ANKRD55: variants seen among roughly 807,000 people sequenced by gnomAD.
ANKRD55 encodes ankyrin repeat domain 55.
ANKRD55 carries 41 observed loss-of-function variants against 60.6 expected under a neutral mutation model. The observed-to-expected ratio is 0.68, with a 90% CI of 0.53 to 0.88. The LOEUF is 0.88. Ranked by LOEUF, ANKRD55 falls within the 40% of genes least tolerant of loss-of-function variation. The pLI is 0.00. For synonymous variants in ANKRD55, 264 were observed against 290.3 expected, an observed-to-expected ratio of 0.91 and a Z score of 0.92; for missense variants, 732 against 767.6, an observed-to-expected ratio of 0.95 and a Z score of 0.55.
intron 5 of ANKRD55, among the ~76,000 whole-genome samples, chr5:56,166,809 A>G (rs1758495417): frequency 1.3e-5 from 2 of 152,226 alleles, no homozygotes; most frequent in South Asian, 4.1e-4. Context: ...GCAGCATAGC[A>G]ATTCCTTCTT....
chr5:56,212,058 AC>A (rs1423417070), intron 2 of ANKRD55, among the ~76,000 whole-genome samples: 3 of 128,386 alleles, frequency 2.3e-5, no homozygotes, highest in African/African-American at 1.1e-4. Context: ...AGACACACAC[AC>A]ACACACACAC....
intron 2 of ANKRD55, among the ~76,000 whole-genome samples, chr5:56,220,707 GGAGGCT>G (rs1487193149): frequency 1.3e-5 from 2 of 152,172 alleles, no homozygotes. Context: ...CAGCTACTTA[GGAGGCT>G]GAGGCAGGAG....
intron 7 of ANKRD55, chr5:56,137,011 C>A (rs1757621124): frequency 2.9e-6 from 2 of 701,358 alleles, no homozygotes; most frequent in Non-Finnish European, 5.3e-6. Flanking sequence ...CAGAGAGCCC[C>A]ACAAAATCAT....
At chr5:56,117,188 C>T (rs890134580) in intron 8 of ANKRD55, among the ~76,000 whole-genome samples, 2 of 152,174 alleles carry the variant, frequency 1.3e-5, no homozygotes, top group African/African-American at 2.4e-5. Context: ...AAATCTTTGT[C>T]CATTTTGGTA....
intron 6 of ANKRD55, among the ~76,000 whole-genome samples, chr5:56,158,593 A>T (rs1414446810): frequency 6.6e-6 from 1 of 152,212 alleles, no homozygotes; most frequent in African/African-American, 2.4e-5. Flanking sequence ...TCTACTTGCA[A>T]CATGAATTAA....
intron 8 of ANKRD55, among the ~76,000 whole-genome samples, chr5:56,120,078 C>T (rs536707588): frequency 6.6e-6 from 1 of 150,432 alleles, no homozygotes; most frequent in East Asian, 1.9e-4. Flanking sequence ...TGCTCTGTTG[C>T]CAGGCTGGAG....
intron 5 of ANKRD55, 48 bp downstream of exon 5, chr5:56,170,646 A>C (rs753950868): frequency 1.4e-6 from 2 of 1,458,786 alleles, no homozygotes; most frequent in Non-Finnish European, 1.9e-6. Context: ...CTTCTCATAC[A>C]AGTTGAGTCA....
intron 9 of ANKRD55, among the ~76,000 whole-genome samples, chr5:56,112,504 C>CAAAAAAAAAAAACAAAAA (rs1756744844): frequency 3.9e-5 from 1 of 25,692 alleles, no homozygotes; most frequent in African/African-American, 1.8e-4. Context: ...TCATCTCTAG[C>CAAAAAAAAAAAACAAAAA]AAAAAAAAAA....
At chr5:56,110,789 G>A (rs1468577472) in intron 10 of ANKRD55, among the ~76,000 whole-genome samples, 3 of 152,174 alleles carry the variant, frequency 2.0e-5, no homozygotes, top group Non-Finnish European at 4.4e-5. Context: ...ACTCCTCACA[G>A]GTATTTGCCA....
In ANKRD55 at chr5:56,180,163, C is replaced by T. The variant is rs916542393; in HGVS notation, c.181+3349G>A. On this transcript the variant is annotated intron_variant, in intron 3 of 11. Coordinates refer to ENST00000341048, the MANE Select transcript of ANKRD55 (RefSeq NM_024669.3). ...GAGATGACCAAACTAGCTTTTATAA[C>T]AGACCCACTCCCATGATTACTAACC... Among the ~76,000 whole-genome samples, 5 of 152,112 alleles carry T rather than the reference C, an allele frequency of 3.3e-5. No homozygotes were observed. The South Asian group carries it at 6.2e-4, about 19-fold the overall frequency.
intron 5 of ANKRD55, among the ~76,000 whole-genome samples, chr5:56,165,567 C>T (rs867964531): frequency 6.6e-6 from 1 of 152,148 alleles, no homozygotes; most frequent in Non-Finnish European, 1.5e-5. Flanking sequence ...CTGAGTTCAG[C>T]GTTTCCACAC....
chr5:56,136,756 A>G (rs1757609111), intron 7 of ANKRD55, among the ~76,000 whole-genome samples: 1 of 150,474 alleles, frequency 6.6e-6, no homozygotes. Context: ...CCTCATCTCT[A>G]AAAAAAATAC....
At chr5:56,173,627 C>T (rs1206795147) in intron 4 of ANKRD55, among the ~76,000 whole-genome samples, 2 of 139,816 alleles carry the variant, frequency 1.4e-5, no homozygotes, top group South Asian at 2.4e-4. Context: ...CCACAACTTC[C>T]GCCTCCTCCT....
chr5:56,212,535 C>T lies in ANKRD55; in HGVS notation c.58+20321G>A, dbSNP rs572277730. On this transcript the variant is annotated intron_variant, in intron 2 of 11. Coordinates refer to ENST00000341048, the MANE Select transcript of ANKRD55 (RefSeq NM_024669.3). The stretch of plus-strand genomic sequence containing the variant: ...ATAATTTATTAATAGCTAACTTTTA[C>T]AGACGAATTTTCTTTCAGGCACTGT... Among the ~76,000 whole-genome samples the T allele has an allele frequency of 1.4e-4, 21 of 152,264 alleles. No homozygotes were observed. The South Asian group carries it at 4.3e-3, about 32-fold the overall frequency.
At chr5:56,123,203 G>A (rs866906795) in intron 8 of ANKRD55, among the ~76,000 whole-genome samples, 13 of 152,176 alleles carry the variant, frequency 8.5e-5, no homozygotes, top group Middle Eastern at 3.4e-3. Flanking sequence ...TGGGCAGAAG[G>A]GCACTTCTGA....
At chr5:56,141,554 T>G (rs1757767399) in intron 7 of ANKRD55, among the ~76,000 whole-genome samples, 1 of 152,232 alleles carries the variant, frequency 6.6e-6, no homozygotes, top group South Asian at 2.1e-4. Flanking sequence ...GGTTAAAAGC[T>G]GTGACATTTA....
At chr5:56,155,582 G>C (rs1403585335) in intron 6 of ANKRD55, among the ~76,000 whole-genome samples, 4 of 152,084 alleles carry the variant, frequency 2.6e-5, no homozygotes. Context: ...AAGTATGAGG[G>C]ACTCCATTTT....
chr5:56,159,861 A>G lies in ANKRD55; in HGVS notation c.455T>C (p.Ile152Thr). 1 of 1,613,902 alleles carries G rather than the reference A, an allele frequency of 6.2e-7. No homozygotes were observed. Among genetic ancestry groups the G allele is most frequent in the South Asian group, 1.1e-5 (1 of 91,070 alleles). The change falls in exon 6 of 12, where the codon ATC becomes ACC. Residue 152 changes from isoleucine to threonine, a missense_variant. By Grantham distance (89) the Ile-to-Thr change is moderately conservative. This residue lies in a region of ANKRD55 where 597 missense variants were observed against 607.5 expected (regional missense o/e 0.98). Transcript: ENST00000341048. ...ATTGTCCTGGTGATTAATCTCGCTG[A>G]TGTTCGACTGTTGCAACAGGACCGT... ...LLTVLLQQSN[I>T]SEINHQDNEG...
intron 2 of ANKRD55, among the ~76,000 whole-genome samples, chr5:56,220,795 A>C (rs1759940835): frequency 6.6e-6 from 1 of 152,184 alleles, no homozygotes; most frequent in Admixed American, 6.5e-5. Flanking sequence ...CCTGGGTGAC[A>C]GAGTGAGACT....
Sources: gnomAD v4.1 joint callset for allele counts (sites outside exome capture counted in the v4.1 genomes callset) on GRCh38, gnomAD v4.1.1 for gene constraint, gnomAD v4.1.1 regional missense constraint, MANE v1.5 for transcripts, NCBI Gene and HGNC (gene_info 2026-07-23, HGNC 2026-07-21) for gene names.